The following SMAD4 variants were observed in gnomAD, a reference collection of about 807,000 sequenced individuals.
SMAD4 encodes MAD homolog 4.
A neutral mutation model predicts 63.2 loss-of-function variants in SMAD4; 7 were observed. That is an observed-to-expected ratio of 0.11 (90% CI 0.06 to 0.21). SMAD4 has a LOEUF of 0.21. SMAD4 is among the 10% of genes least tolerant of loss of function. SMAD4 has a pLI of 1.00. For synonymous variants in SMAD4, 215 were observed against 235.4 expected (o/e 0.91, Z 0.79); for missense variants, 312 against 693.8 (o/e 0.45, Z 6.18).
intron 1 of SMAD4, among the ~76,000 whole-genome samples, chr18:51,036,893 C>CA (rs1909221726): frequency 6.6e-6 from 1 of 152,218 alleles, no homozygotes; most frequent in South Asian, 2.1e-4. Flanking sequence ...TGCGGTGACT[C>CA]ACGCCTGTAA....
intron 9 of SMAD4, among the ~76,000 whole-genome samples, 166 bp downstream of exon 9, chr18:51,065,772 G>T (rs1200998031): frequency 6.6e-6 from 1 of 152,174 alleles, no homozygotes; most frequent in African/African-American, 2.4e-5. Flanking sequence ...CATCTTAATT[G>T]TCGGTGTTTT....
At chr18:51,052,908 G>A (rs1273581015) in intron 4 of SMAD4, 1 of 152,938 alleles carries the variant, frequency 6.5e-6, no homozygotes, top group Non-Finnish European at 1.5e-5. Flanking sequence ...TTTGTAACTT[G>A]CTTTGATTCT....
rs922267100 is a variant in SMAD4, at chr18:51,079,237, C to T, written c.*770C>T. 2 of 232,930 alleles carry T rather than the reference C, an allele frequency of 8.6e-6. No individual in the cohort carries two copies. Among genetic ancestry groups the T allele is most frequent in the African/African-American group, 4.4e-5 (2 of 45,326 alleles). The allele number at this position is 232,930 out of a possible 1,614,324, so 14.4% of individuals were successfully genotyped here. A position where few individuals can be genotyped will look rare whatever the true frequency, so the allele number is the denominator to read the frequency against. ...CCTGTTAAACAGTAGTTGTATTCTT[C>T]TGTATTTCTAGGCACAAGGTTGGTT... On this transcript the variant is annotated 3_prime_UTR_variant, in exon 12 of 12. Transcript: ENST00000342988.
At chr18:51,034,838 G>T (rs565302188) in intron 1 of SMAD4, among the ~76,000 whole-genome samples, 3 of 152,216 alleles carry the variant, frequency 2.0e-5, no homozygotes, top group Admixed American at 2.0e-4. Context: ...GAGCCACCAC[G>T]CCTGGCAAGT....
chr18:51,054,118 A>T (rs1909778150), intron 4 of SMAD4: 1 of 152,690 alleles, frequency 6.5e-6, no homozygotes, highest in Non-Finnish European at 1.5e-5. Context: ...AAAGATGTTG[A>T]TTACTGAGTT....
chr18:51,056,598 C>T (rs185002603), intron 5 of SMAD4, among the ~76,000 whole-genome samples: 21 of 117,990 alleles, frequency 1.8e-4, no homozygotes, highest in Non-Finnish European at 2.9e-4. Context: ...CCAGCCTGGG[C>T]GACACAGCGA....
intron 1 of SMAD4, among the ~76,000 whole-genome samples, chr18:51,038,574 T>C (rs1909279783): frequency 6.6e-6 from 1 of 152,226 alleles, no homozygotes; most frequent in Non-Finnish European, 1.5e-5. Context: ...TGAGACACGT[T>C]TTCTTCATGT....
At position 51,079,775 on chromosome 18, in the gene SMAD4, A is replaced by C; in HGVS notation, c.*1308A>C. The C allele has an allele frequency of 4.3e-6, 1 of 233,234 alleles. No homozygotes were observed. Among genetic ancestry groups the C allele is most frequent in the East Asian group, 6.1e-5 (1 of 16,428 alleles). The allele number at this position is 233,234 out of a possible 1,614,324, so 14.4% of individuals were successfully genotyped here. A position where few individuals can be genotyped will look rare whatever the true frequency, so the allele number is the denominator to read the frequency against. On this transcript the variant is annotated 3_prime_UTR_variant, in exon 12 of 12. Transcript: ENST00000342988. ...AGCATAAATAAAACTGAATCTCAAC[A>C]TACAAAGTTGAATTCTAGGTTTGAT...
chr18:51,041,224 A>G (rs569727745), intron 1 of SMAD4, among the ~76,000 whole-genome samples: 165 of 152,228 alleles, frequency 1.1e-3, no homozygotes, highest in African/African-American at 3.7e-3. Flanking sequence ...TCTTTCTACC[A>G]TGAACCTACT....
In SMAD4 at chr18:51,081,561, G is replaced by C. The variant is rs1910613339; in HGVS notation, c.*3094G>C. 8.6e-6 allele frequency: 2 copies of C among 232,392 alleles called. No homozygotes were observed. Among genetic ancestry groups the C allele is most frequent in the East Asian group, 1.2e-4 (2 of 16,430 alleles). The allele number at this position is 232,392 out of a possible 1,614,324, so 14.4% of individuals were successfully genotyped here. On this transcript the variant is annotated 3_prime_UTR_variant, in exon 12 of 12. Coordinates refer to ENST00000342988, the MANE Select transcript of SMAD4 (RefSeq NM_005359.6). ...TACCATTCCTCCTGTGAACAGTGCA[G>C]ATTTACAGGTTGCATGGTCTGGCTT...
In SMAD4 at chr18:51,082,898, C is replaced by T. The variant is rs188404885; in HGVS notation, c.*4431C>T. On this transcript the variant is annotated 3_prime_UTR_variant, in exon 12 of 12. Coordinates refer to ENST00000342988, the MANE Select transcript of SMAD4 (RefSeq NM_005359.6). The stretch of plus-strand genomic sequence containing the variant: ...AACCAGATAACCAAACTTACTAGAA[C>T]GTTCTTTAAAACACAAGTACAAACT... The T allele has an allele frequency of 8.8e-6, 2 of 226,178 alleles. No individual in the cohort carries two copies. Among genetic ancestry groups the T allele is most frequent in the Admixed American group, 5.7e-5 (1 of 17,558 alleles). 14.0% of individuals were successfully genotyped at this position (226,178 alleles called of 1,614,324 possible).
chr18:51,046,311 A>G (rs1909540301), intron 1 of SMAD4, among the ~76,000 whole-genome samples: 1 of 152,192 alleles, frequency 6.6e-6, no homozygotes, highest in South Asian at 2.1e-4. Flanking sequence ...GGTATGAAGT[A>G]GCAGCTCATT....
rs1599182920 is a variant in SMAD4, at chr18:51,049,321, A to G, written c.451A>G (p.Asn151Asp). 1 of 1,597,244 alleles carries G rather than the reference A, an allele frequency of 6.3e-7. No individual in the cohort carries two copies. The highest frequency in any genetic ancestry group is 1.7e-5 in the Admixed American group (1 of 60,004). Residue 151 changes from asparagine (N) to aspartate (D), a missense_variant, in exon 4 of 12, where the codon AAT (asparagine) becomes GAT (aspartate). This residue lies in a region of SMAD4 where 169 missense variants were observed against 211.0 expected (regional missense o/e 0.80). Transcript: ENST00000342988. The part of the protein sequence containing the change: ...IDLSGLTLQS[N>D]APSSMMVKDE... Reference sequence around the variant, plus strand: ...TCTCTCAGGATTAACACTGCAGAGTAATGGTAGGTAATCTGTTTCTTACTA... The same window carrying G: ...TCTCTCAGGATTAACACTGCAGAGTGATGGTAGGTAATCTGTTTCTTACTA...
intron 1 of SMAD4, among the ~76,000 whole-genome samples, chr18:51,041,303 G>T (rs1201560046): frequency 6.6e-6 from 1 of 152,024 alleles, no homozygotes. Context: ...ATTCTTATTC[G>T]TATGTGGTAA....
chr18:51,079,890 T>C lies in SMAD4; in HGVS notation c.*1423T>C, dbSNP rs1701183743. On this transcript the variant is annotated 3_prime_UTR_variant, in exon 12 of 12. Transcript: ENST00000342988. ...AAATGACAGGCAACAGCCAGTTCTA[T>C]TGGGCAGCTTTGTTTTTTTCCCTCA... 3 of 232,612 alleles carry C rather than the reference T, an allele frequency of 1.3e-5. No homozygotes were observed. The highest frequency in any genetic ancestry group is 2.5e-5 in the Non-Finnish European group (3 of 117,740). The allele number at this position is 232,612 out of a possible 1,614,324, so 14.4% of individuals were successfully genotyped here. A position where few individuals can be genotyped will look rare whatever the true frequency, so the allele number is the denominator to read the frequency against.
intron 3 of SMAD4, 35 bp from the exon 4 acceptor site, chr18:51,049,260 A>C (rs1909635905): frequency 2.1e-6 from 3 of 1,424,700 alleles, no homozygotes; most frequent in African/African-American, 1.4e-5. Context: ...TGTAATGATT[A>C]ATGTTTCATT....
At chr18:51,046,160 C>G (rs1261858669) in intron 1 of SMAD4, among the ~76,000 whole-genome samples, 1 of 152,096 alleles carries the variant, frequency 6.6e-6, no homozygotes, top group Non-Finnish European at 1.5e-5. Context: ...CATATTTACT[C>G]TGTTTAACAT....
intron 2 of SMAD4, 71 bp from the exon 3 acceptor site, chr18:51,048,615 G>A (rs2144404722): frequency 7.5e-7 from 1 of 1,339,976 alleles, no homozygotes; most frequent in Non-Finnish European, 1.1e-6. Flanking sequence ...GGATTGTGAG[G>A]ATTAAATCAG....
chr18:51,059,421 A>G lies in SMAD4; in HGVS notation c.905-445A>G, dbSNP rs548750629. On this transcript the variant is annotated intron_variant, in intron 7 of 11. Transcript: ENST00000342988. ...ATAATTTATGTGAGGTGTTTAGCAC[A>G]GTGTTTTAACACATTACCAGTTTTC... 8.5e-5 allele frequency among the ~76,000 whole-genome samples: 13 copies of G among 152,384 alleles called. 2 individuals are homozygous for G. In the South Asian group the frequency reaches 2.5e-3, roughly 29 times the overall value.
Sources: gnomAD v4.1 joint callset for allele counts (sites outside exome capture counted in the v4.1 genomes callset) on GRCh38, gnomAD v4.1.1 for gene constraint, gnomAD v4.1.1 regional missense constraint, MANE v1.5 for transcripts, NCBI Gene and HGNC (gene_info 2026-07-23, HGNC 2026-07-21) for gene names.